SDHA: variants seen among roughly 807,000 people sequenced by gnomAD.
The protein encoded by SDHA is succinate dehydrogenase complex flavoprotein subunit A.
SDHA carries 48 observed loss-of-function variants against 78.4 expected under a neutral mutation model. That is an observed-to-expected ratio of 0.61 (90% CI 0.49 to 0.78). SDHA has a LOEUF of 0.78. Ranked by LOEUF, SDHA falls within the 30% of genes least tolerant of loss-of-function variation. SDHA has a pLI of 0.00. For synonymous variants in SDHA, 326 were observed against 353.9 expected (o/e 0.92, Z 0.88); for missense variants, 680 against 892.7 (o/e 0.76, Z 3.04).
In SDHA at chr5:235,093, C is replaced by T. The variant is rs1459730620; in HGVS notation, c.1065-51C>T. 13 of 1,558,812 alleles carry T rather than the reference C, an allele frequency of 8.3e-6. No homozygotes were observed. In the East Asian group the frequency reaches 2.9e-4, roughly 35 times the overall value. ...CTTCCAAGATGACGTATTCTCAGGT[C>T]TCCTGCCGTTGCCGTTCTCTGCCGT... On this transcript the variant is annotated intron_variant, in intron 8 of 14. Coordinates refer to ENST00000264932, the MANE Select transcript of SDHA (RefSeq NM_004168.4).
chr5:258,827 G>A (rs1184120359), downstream of SDHA, among the ~76,000 whole-genome samples: 2 of 79,676 alleles, frequency 2.5e-5, no homozygotes, highest in African/African-American at 1.8e-4. Context: ...TGTGAGCTCC[G>A]CCCCCTGCCA....
chr5:263,935 G>T, the SDHA span, among the ~76,000 whole-genome samples: 1 of 152,202 alleles, frequency 6.6e-6, no homozygotes, highest in Non-Finnish European at 1.5e-5. Flanking sequence ...TTGCAACCAA[G>T]TTCTTCACTG....
intron 8 of SDHA, 25 bp from the exon 9 acceptor site, chr5:235,119 A>G (rs950539608): frequency 8.1e-6 from 13 of 1,611,396 alleles, no homozygotes; most frequent in South Asian, 1.1e-5. Context: ...TCTCTGCCGT[A>G]TGTGATGGTG....
chr5:242,096 T>C (rs13357299), intron 11 of SDHA, among the ~76,000 whole-genome samples: 38,272 of 151,868 alleles, frequency 0.25, 7,711 homozygotes, highest in African/African-American at 0.56. Context: ...ACAAACAGAG[T>C]TTCCTCTGCT....
intron 11 of SDHA, among the ~76,000 whole-genome samples, chr5:247,449 A>G (rs549762800): frequency 8.5e-5 from 13 of 152,346 alleles, no homozygotes; most frequent in African/African-American, 2.9e-4. Flanking sequence ...ATCTAATGCT[A>G]GACACTTTCA....
chr5:220,706 G>A (rs887035769), intron 1 of SDHA, among the ~76,000 whole-genome samples: 78 of 151,474 alleles, frequency 5.1e-4, no homozygotes, highest in Non-Finnish European at 3.1e-4. Context: ...TCTGAGCTCC[G>A]TCTTTCCGTG....
In SDHA at chr5:254,526, T is replaced by C; in HGVS notation, c.1908+20T>C. 1.3e-6 allele frequency: 2 copies of C among 1,537,032 alleles called. No homozygotes were observed. Among genetic ancestry groups the C allele is most frequent in the Non-Finnish European group, 1.8e-6 (2 of 1,139,438 alleles). ...GGGAAGGTCAGTGTGGAGCTCGTTC[T>C]CACCACAGCCCAGCACCCACACGGC... On this transcript the variant is annotated intron_variant, in intron 14 of 14. Transcript: ENST00000264932.
chr5:249,226 G>T (rs1051933959), intron 11 of SDHA: 24 of 318,770 alleles, frequency 7.5e-5, no homozygotes, highest in African/African-American at 5.3e-4. Flanking sequence ...TGTGTTATTT[G>T]TATAGTCTGC....
At chr5:251,566 C>A in intron 13 of SDHA, 98 bp downstream of exon 13, 1 of 1,590,230 alleles carries the variant, frequency 6.3e-7, no homozygotes, top group Non-Finnish European at 8.5e-7. Context: ...TCTTTCGTTG[C>A]CCCAAAAGTA....
chr5:225,695 CTT>C, intron 4 of SDHA, 133 bp downstream of exon 4: 1 of 1,405,118 alleles, frequency 7.1e-7, no homozygotes, highest in Non-Finnish European at 1.0e-6. Context: ...CAAGAAGAGT[CTT>C]TTTCCGTTAT....
At chr5:246,543 A>C (rs537777937) in intron 11 of SDHA, among the ~76,000 whole-genome samples, 1 of 152,288 alleles carries the variant, frequency 6.6e-6, no homozygotes, top group African/African-American at 2.4e-5. Flanking sequence ...ATAAAGCCCA[A>C]GTAAATAGAA....
chr5:255,283 G>T (rs533708079), intron 14 of SDHA, among the ~76,000 whole-genome samples: 2 of 151,798 alleles, frequency 1.3e-5, no homozygotes, highest in African/African-American at 2.4e-5. Context: ...TCACTTAGCT[G>T]TGTCTGTGGA....
chr5:255,879 A>G (rs369033914), intron 14 of SDHA, among the ~76,000 whole-genome samples: 1 of 152,230 alleles, frequency 6.6e-6, no homozygotes, highest in Non-Finnish European at 1.5e-5. Flanking sequence ...TTTAATACAC[A>G]GCTTGAGTAT....
downstream of SDHA, among the ~76,000 whole-genome samples, chr5:258,925 C>A (rs1362054262): frequency 2.7e-5 from 1 of 37,424 alleles, no homozygotes; most frequent in South Asian, 8.8e-4. Context: ...CTCCGCCTCC[C>A]GTCCGAGCAT....
At chr5:223,368 G>T in intron 1 of SDHA, 114 bp from the exon 2 acceptor site, 1 of 816,126 alleles carries the variant, frequency 1.2e-6, no homozygotes, top group Non-Finnish European at 2.2e-6. Flanking sequence ...GGATGCACAG[G>T]AGCACCTGGG....
At chr5:239,579 A>T (rs1434921300) in intron 10 of SDHA, among the ~76,000 whole-genome samples, 1 of 151,138 alleles carries the variant, frequency 6.6e-6, no homozygotes, top group African/African-American at 2.4e-5. Flanking sequence ...AAAAATTGCT[A>T]ATCTTGAAGT....
intron 2 of SDHA, 109 bp downstream of exon 2, chr5:223,677 C>G: frequency 1.3e-6 from 1 of 751,916 alleles, no homozygotes; most frequent in Non-Finnish European, 2.4e-6. Context: ...AAAAATTTCT[C>G]ATAGGTATCC....
chr5:232,836 A>C (rs1174549459), intron 7 of SDHA, among the ~76,000 whole-genome samples: 3 of 152,194 alleles, frequency 2.0e-5, no homozygotes, highest in African/African-American at 7.2e-5. Flanking sequence ...CTGAGGAGTC[A>C]CAGAGCCGCT....
At chr5:259,690 C>T (rs1291320150), downstream of SDHA, among the ~76,000 whole-genome samples, 3 of 12,162 alleles carry the variant, frequency 2.5e-4, no homozygotes, top group East Asian at 1.3e-3. Flanking sequence ...GAGCTCCGCC[C>T]CCCGCCACAG....
Sources: allele counts gnomAD v4.1 joint callset (sites outside exome capture counted in the v4.1 genomes callset), GRCh38; gene constraint gnomAD v4.1.1; transcripts MANE v1.5; gene names NCBI Gene and HGNC (gene_info 2026-07-23, HGNC 2026-07-21).